The following DISC1 variants were observed in gnomAD, a reference collection of about 807,000 sequenced individuals.
The protein encoded by DISC1 is DISC1 scaffold protein, also known as disrupted in schizophrenia 1 protein.
A neutral mutation model predicts 84.5 loss-of-function variants in DISC1; 57 were observed. The observed-to-expected ratio is 0.67, with a 90% confidence interval of 0.55 to 0.84. The LOEUF (loss-of-function observed/expected upper bound fraction) is 0.84. Ranked by LOEUF, DISC1 falls within the 40% of genes least tolerant of loss-of-function variation. DISC1 has a pLI of 0.00. For synonymous variants in DISC1, 411 were observed against 415.2 expected (o/e 0.99, Z 0.12); for missense variants, 1,000 against 1,057.8 (o/e 0.95, Z 0.76).
At chr1:231,891,594 A>T (rs1375998718) in intron 9 of DISC1, among the ~76,000 whole-genome samples, 1 of 152,078 alleles carries the variant, frequency 6.6e-6, no homozygotes, top group East Asian at 1.9e-4. Flanking sequence ...TCTGGGATGT[A>T]GGGGCTGCCC....
intron 3 of DISC1, among the ~76,000 whole-genome samples, chr1:231,716,033 G>A (rs1293127297): frequency 6.6e-6 from 1 of 152,144 alleles, no homozygotes; most frequent in Non-Finnish European, 1.5e-5. Flanking sequence ...CTGCTGTGTG[G>A]GTGGAAGGTT....
At chr1:231,905,483 G>C (rs545185749) in intron 9 of DISC1, among the ~76,000 whole-genome samples, 1 of 151,782 alleles carries the variant, frequency 6.6e-6, no homozygotes, top group Non-Finnish European at 1.5e-5. Flanking sequence ...TTAGCCTGGC[G>C]TGGTGATGCA....
At position 231,758,224 on chromosome 1, in the gene DISC1, A is replaced by G. The variant is rs114869400; in HGVS notation, c.1268+8148A>G. Among the ~76,000 whole-genome samples the G allele has an allele frequency of 2.2e-3, 338 of 152,122 alleles. 3 individuals are homozygous for G. Among genetic ancestry groups the G allele is most frequent in the African/African-American group, 8.0e-3 (330 of 41,478 alleles). On this transcript the variant is annotated intron_variant, in intron 4 of 12. Transcript: ENST00000439617. ...CTTGGGAATCACTTCTTCAAAATCAACCTGTACTCAGGTCCCTGTCTCAGG... is the reference window on the plus strand; with the variant it reads ...CTTGGGAATCACTTCTTCAAAATCAGCCTGTACTCAGGTCCCTGTCTCAGG...
intron 9 of DISC1, among the ~76,000 whole-genome samples, chr1:231,930,591 C>G (rs944101920): frequency 6.6e-6 from 1 of 152,110 alleles, no homozygotes; most frequent in Non-Finnish European, 1.5e-5. Context: ...GCCCTCCAAA[C>G]CTCTACCCCA....
chr1:231,683,672 C>A (rs1446936274), intron 1 of DISC1, among the ~76,000 whole-genome samples: 1 of 151,714 alleles, frequency 6.6e-6, no homozygotes. Context: ...TTTTCGCAAG[C>A]CCTCTTCTTC....
intron 8 of DISC1, among the ~76,000 whole-genome samples, chr1:231,816,290 G>A (rs1414569832): frequency 2.0e-5 from 3 of 152,064 alleles, no homozygotes; most frequent in Admixed American, 2.0e-4. Flanking sequence ...TTTTTCAATG[G>A]CACCATTTGT....
At chr1:231,845,726 C>T (rs2083405219) in intron 9 of DISC1, among the ~76,000 whole-genome samples, 1 of 151,600 alleles carries the variant, frequency 6.6e-6, no homozygotes, top group Admixed American at 6.6e-5. Flanking sequence ...ACACTGGAGG[C>T]TGGTAAAGGA....
intron 3 of DISC1, among the ~76,000 whole-genome samples, chr1:231,744,982 T>A (rs2073802437): frequency 6.6e-6 from 1 of 152,156 alleles, no homozygotes. Flanking sequence ...ACACAACATA[T>A]TTATAACTTG....
intron 8 of DISC1, among the ~76,000 whole-genome samples, chr1:231,811,291 G>T (rs1426405542): frequency 6.6e-6 from 1 of 152,188 alleles, no homozygotes; most frequent in Non-Finnish European, 1.5e-5. Context: ...GAGGGGAGCA[G>T]TTGGCTGGGG....
chr1:231,862,408 C>G (rs1452779436), intron 9 of DISC1, among the ~76,000 whole-genome samples: 2 of 152,168 alleles, frequency 1.3e-5, no homozygotes, highest in Non-Finnish European at 2.9e-5. Context: ...GAAATGACTA[C>G]TTCGATGGTT....
rs575022416 is a variant in DISC1 at position 231,800,112 on chromosome 1, G to T, written c.1694G>T (p.Cys565Phe). Residue 565 changes from cysteine to phenylalanine, a missense_variant, in exon 8 of 13, where the codon TGT becomes TTT. Cys to Phe is a radical substitution (Grantham distance 205). Coordinates refer to ENST00000439617, the MANE Select transcript of DISC1 (RefSeq NM_018662.3). ...LSLKEITTKVCMSEKFCSTLR... is the reference protein window; with the variant it reads ...LSLKEITTKVFMSEKFCSTLR... ...TGGTCATTTCTCTCCCCCTAGGTGT[G>T]TATGAGTGAGAAATTCTGCAGCACC... 7.6e-5 allele frequency: 122 copies of T among 1,609,402 alleles called. 1 individual carries two copies. In the Admixed American group the frequency reaches 1.2e-3, roughly 15 times the overall value.
intron 8 of DISC1, among the ~76,000 whole-genome samples, chr1:231,814,484 C>T (rs919006300): frequency 6.6e-6 from 1 of 152,118 alleles, no homozygotes; most frequent in African/African-American, 2.4e-5. Flanking sequence ...ACATATCACT[C>T]ATTAAAAAGG....
intron 3 of DISC1, among the ~76,000 whole-genome samples, chr1:231,739,545 T>C (rs556098515): frequency 6.6e-6 from 1 of 152,178 alleles, no homozygotes; most frequent in Non-Finnish European, 1.5e-5. Context: ...GCTCCCAACT[T>C]ACCAATGGGG....
intron 9 of DISC1, among the ~76,000 whole-genome samples, chr1:231,886,769 T>G (rs1558691874): frequency 0.014 from 414 of 30,432 alleles, 8 homozygotes; most frequent in African/African-American, 0.044. Flanking sequence ...CTTCCTTCCT[T>G]TCTTTCTTTC....
chr1:231,893,321 T>A (rs1040443688), intron 9 of DISC1, among the ~76,000 whole-genome samples: 8 of 152,150 alleles, frequency 5.3e-5, no homozygotes, highest in African/African-American at 1.9e-4. Context: ...GTGCGGTTAA[T>A]AAAATTCGAT....
chr1:231,742,461 T>TAATCTAATCATAA (rs2073407753), intron 3 of DISC1, among the ~76,000 whole-genome samples: 1 of 152,152 alleles, frequency 6.6e-6, no homozygotes, highest in Non-Finnish European at 1.5e-5. Context: ...CCTGATGCCC[T>TAATCTAATCATAA]TTTCTAATCA....
At chr1:231,691,439 A>C (rs552086405) in intron 1 of DISC1, among the ~76,000 whole-genome samples, 20 of 151,992 alleles carry the variant, frequency 1.3e-4, no homozygotes, top group East Asian at 5.8e-4. Flanking sequence ...CAAAAAAAAA[A>C]CAGAAAGAAT....
chr1:231,921,980 G>C (rs559046247), intron 9 of DISC1, among the ~76,000 whole-genome samples: 176 of 152,110 alleles, frequency 1.2e-3, no homozygotes, highest in African/African-American at 4.1e-3. Context: ...ATCACCATCT[G>C]CCTTTTTGCT....
intron 11 of DISC1, among the ~76,000 whole-genome samples, chr1:232,017,048 C>A (rs1357257577): frequency 1.3e-5 from 2 of 152,244 alleles, no homozygotes; most frequent in East Asian, 3.9e-4. Context: ...GAAATATATT[C>A]TTTGTGTTGT....
Sources: gnomAD v4.1 joint callset for allele counts (sites outside exome capture counted in the v4.1 genomes callset) on GRCh38, gnomAD v4.1.1 for gene constraint, MANE v1.5 for transcripts, NCBI Gene and HGNC (gene_info 2026-07-23, HGNC 2026-07-21) for gene names.